Variants in IGDCC4 observed in about 807,000 individuals in gnomAD.
The protein encoded by IGDCC4 is likely ortholog of mouse neighbor of Punc E11.
IGDCC4 carries 72 observed loss-of-function variants against 116.6 expected under a neutral mutation model. The ratio of observed to expected loss-of-function variants is 0.62; its 90% CI spans 0.51 to 0.75. The LOEUF (loss-of-function observed/expected upper bound fraction) is 0.75. Among genes scored for constraint, IGDCC4 ranks in the 30% least tolerant of loss-of-function variants. The pLI is 0.00. For missense variants in IGDCC4, 1,501 were observed against 1,662.4 expected, an observed-to-expected ratio of 0.90 and a Z score of 1.69; for synonymous variants, 709 against 719.9, an observed-to-expected ratio of 0.98 and a Z score of 0.24.
In IGDCC4 at chr15:65,395,958, G is replaced by A; in HGVS notation, c.1203C>T (p.Gly401=). The change falls in exon 7 of 20, where the codon GGC becomes GGT. Residue 401 remains glycine (G), a synonymous_variant. Coordinates refer to ENST00000352385, the MANE Select transcript of IGDCC4 (RefSeq NM_020962.3). ...TGTTCTCAGCCACGCACTGGTAGTA[G>A]CCGGCGTCCTGCAGGCCGATCTGTG... ...VITQIGLQDA[G]YYQCVAENSA... is the part of the protein sequence containing the mutation. 6.3e-7 allele frequency: 1 copy of A among 1,585,986 alleles called. No homozygotes were observed. Among genetic ancestry groups the A allele is most frequent in the Non-Finnish European group, 8.5e-7 (1 of 1,173,638 alleles).
Position 65,393,441 on chromosome 15 carries a change from G to A in IGDCC4, c.1805C>T (p.Ser602Leu), listed in dbSNP as rs372210828. Residue 602 changes from serine to leucine, a missense_variant, in exon 10 of 20, where the codon TCG becomes TTG. Ser to Leu is a moderately radical substitution (Grantham distance 145). This residue lies in a region of IGDCC4 where 898 missense variants were observed against 978.9 expected (regional missense o/e 0.92). Transcript: ENST00000352385. The surrounding 1 kb of genome is among the most constrained non-coding windows in gnomAD (Gnocchi z 4.6). ...QPNKVYRVRI[S>L]AGTAAGFGAP... Reference sequence around the variant, plus strand: ...CCCGAAGCCGGCTGCTGTACCAGCCGAAATCCGTACTCGATACACCTTGTT... The same window carrying A: ...CCCGAAGCCGGCTGCTGTACCAGCCAAAATCCGTACTCGATACACCTTGTT... 78 of 1,613,694 alleles carry A rather than the reference G, an allele frequency of 4.8e-5. No individual in the cohort carries two copies. The Admixed American group carries it at 5.8e-4, about 12-fold the overall frequency.
chr15:65,394,466 G>GCT lies in IGDCC4; in HGVS notation c.1657_1658dup (p.Ser553ArgfsTer3), dbSNP rs752872411. ...ACTTCACCACCTGCCCATTGCTCAGGCTGGGGGGCAGGGGCAGCCACGCCA... is the reference window on the plus strand; with the variant it reads ...ACTTCACCACCTGCCCATTGCTCAGGCTCTGGGGGGCAGGGGCAGCCACGCCA... On this transcript the variant is annotated frameshift_variant, in exon 9 of 20. Coordinates refer to ENST00000352385, the MANE Select transcript of IGDCC4 (RefSeq NM_020962.3). LOFTEE classifies it high-confidence loss of function. The GCT allele has an allele frequency of 6.2e-7, 1 of 1,614,062 alleles. No individual in the cohort carries two copies. Among genetic ancestry groups the GCT allele is most frequent in the Non-Finnish European group, 8.5e-7 (1 of 1,179,992 alleles).
At chr15:65,403,364 T>C (rs1170720649) in intron 3 of IGDCC4, among the ~76,000 whole-genome samples, 1 of 152,140 alleles carries the variant, frequency 6.6e-6, no homozygotes, top group Admixed American at 6.5e-5. Flanking sequence ...TGGTTGTCTC[T>C]GGGGAGGGGA....
intron 1 of IGDCC4, among the ~76,000 whole-genome samples, chr15:65,411,904 T>C (rs888242291): frequency 7.9e-5 from 12 of 152,210 alleles, no homozygotes; most frequent in South Asian, 6.2e-4. Context: ...TAGAATTAGA[T>C]AGTGGCTGTG....
At chr15:65,398,673 C>T (rs550820402) in intron 5 of IGDCC4, among the ~76,000 whole-genome samples, 34 of 151,716 alleles carry the variant, frequency 2.2e-4, no homozygotes, top group Admixed American at 5.9e-4. Context: ...GGTTGGATCA[C>T]GAGGTCAGGA....
intron 3 of IGDCC4, among the ~76,000 whole-genome samples, chr15:65,404,634 C>T (rs933603064): frequency 5.3e-5 from 8 of 151,806 alleles, no homozygotes; most frequent in African/African-American, 1.9e-4. Flanking sequence ...GTAGTCTCTC[C>T]TTTGAAAAAA....
intron 5 of IGDCC4, 49 bp downstream of exon 5, chr15:65,400,757 C>T (rs757656510): frequency 5.8e-6 from 9 of 1,548,260 alleles, no homozygotes; most frequent in Admixed American, 3.8e-5. Context: ...ATGTGAGATG[C>T]CACATCCCTC....
At position 65,385,903 on chromosome 15, in the gene IGDCC4, C is replaced by T. The variant is rs749451226; in HGVS notation, c.3108G>A (p.Val1036=). ...GGCTGTGCACTTCAGCCCTGTCCTC[C>T]ACGTCTGAGGGTGGCGGGGACCAGT... ...PQDWSPPPSD[V]EDRAEVHSLM... The change falls in exon 18 of 20, where the codon GTG becomes GTA. Residue 1036 remains valine, a synonymous_variant. Coordinates refer to ENST00000352385, the MANE Select transcript of IGDCC4 (RefSeq NM_020962.3). 1 of 1,612,690 alleles carries T rather than the reference C, an allele frequency of 6.2e-7. No individual in the cohort carries two copies. The highest frequency in any genetic ancestry group is 2.2e-5 in the East Asian group (1 of 44,874).
At chr15:65,387,206 T>C (rs1296692127) in intron 16 of IGDCC4, among the ~76,000 whole-genome samples, 1 of 152,020 alleles carries the variant, frequency 6.6e-6, no homozygotes, top group Non-Finnish European at 1.5e-5. Flanking sequence ...TTTAAATTTT[T>C]TGTGGAGACA....
chr15:65,417,994 C>G (rs1053873948), intron 1 of IGDCC4, among the ~76,000 whole-genome samples: 1 of 152,184 alleles, frequency 6.6e-6, no homozygotes, highest in African/African-American at 2.4e-5. Context: ...GGAACAGTGC[C>G]TAACACACAG....
rs2091404177 is a variant in IGDCC4 at position 65,381,942 on chromosome 15, TGGG to T, written c.*2064_*2066del. ...AGAAACAATTTTCCACCCAACCTAA[TGGG>T]TTATAAATTGTCTCATTTGCAGCTA... On this transcript the variant is annotated 3_prime_UTR_variant, in exon 20 of 20. Transcript: ENST00000352385. 1 of 152,626 alleles carries T rather than the reference TGGG, an allele frequency of 6.6e-6. No individual in the cohort carries two copies. Among genetic ancestry groups the T allele is most frequent in the Admixed American group, 6.5e-5 (1 of 15,278 alleles). 9.5% of individuals were successfully genotyped at this position (152,626 alleles called of 1,614,324 possible).
intron 1 of IGDCC4, among the ~76,000 whole-genome samples, chr15:65,419,477 G>C (rs1194709385): frequency 6.6e-6 from 1 of 152,166 alleles, no homozygotes; most frequent in Non-Finnish European, 1.5e-5. Context: ...ATGTAAATGT[G>C]TGTTTAATTG....
chr15:65,395,664 C>T (rs915538814), intron 7 of IGDCC4, 86 bp downstream of exon 7: 2 of 1,337,136 alleles, frequency 1.5e-6, no homozygotes, highest in African/African-American at 3.0e-5. Flanking sequence ...ACCCATCAGG[C>T]AACCCTTCAG....
At chr15:65,411,919 C>T (rs58045812) in intron 1 of IGDCC4, among the ~76,000 whole-genome samples, 71 of 152,254 alleles carry the variant, frequency 4.7e-4, no homozygotes, top group African/African-American at 1.7e-3. Flanking sequence ...GCTGTGGTTG[C>T]ACAACGTTGT....
In IGDCC4 at chr15:65,388,738, T is replaced by A. The variant is rs2091485012; in HGVS notation, c.2707+70A>T. ...TAGCCCCTGGAACAAACCCCAGCAC[T>A]GTTCTCACTGCTGGAAGCGGGAGAG... On this transcript the variant is annotated intron_variant, in intron 15 of 19. Transcript: ENST00000352385. 8 of 1,605,998 alleles carry A rather than the reference T, an allele frequency of 5.0e-6. No homozygotes were observed. The East Asian group carries it at 1.8e-4, about 36-fold the overall frequency.
intron 12 of IGDCC4, among the ~76,000 whole-genome samples, chr15:65,391,294 T>A (rs922171404): frequency 1.3e-5 from 2 of 152,070 alleles, no homozygotes; most frequent in Admixed American, 6.5e-5. Flanking sequence ...CTAAACCATG[T>A]GGCTGGGAAG....
In IGDCC4 at chr15:65,391,266, G is replaced by A. The variant is rs28568696; in HGVS notation, c.2224+614C>T. On this transcript the variant is annotated intron_variant, in intron 12 of 19. Transcript: ENST00000352385. ...AAAGAACCCAAGCTTCATGGCTTCT[G>A]GTTGATTACTCCCTCTGCTAAACCA... is the stretch of plus-strand genomic sequence containing the variant. Among the ~76,000 whole-genome samples, 529 of 152,268 alleles carry A rather than the reference G, an allele frequency of 3.5e-3. 2 individuals are homozygous for A. The highest frequency in any genetic ancestry group is 0.012 in the African/African-American group (492 of 41,562).
Position 65,384,486 on chromosome 15 carries a change from G to A in IGDCC4, c.3343-67C>T, listed in dbSNP as rs896724426. 21 of 1,425,264 alleles carry A rather than the reference G, an allele frequency of 1.5e-5. No individual in the cohort carries two copies. Among genetic ancestry groups the A allele is most frequent in the East Asian group, 1.4e-4 (6 of 41,764 alleles). 88.3% of individuals were successfully genotyped at this position (1,425,264 alleles called of 1,614,324 possible). Reference sequence around the variant, plus strand: ...GAGAGTAATCATCAGAATGACCAGCGTACGTGGGGCAGAAAGTCTGACCCT... The same window carrying A: ...GAGAGTAATCATCAGAATGACCAGCATACGTGGGGCAGAAAGTCTGACCCT... On this transcript the variant is annotated intron_variant, in intron 19 of 19. Transcript: ENST00000352385. The surrounding 1 kb of genome is among the most constrained non-coding windows in gnomAD (Gnocchi z 4.9).
At chr15:65,403,107 T>G (rs1406984356) in intron 3 of IGDCC4, among the ~76,000 whole-genome samples, 1 of 152,184 alleles carries the variant, frequency 6.6e-6, no homozygotes, top group Non-Finnish European at 1.5e-5. Context: ...TTAAACGATA[T>G]TCACTCCAGC....
Sources: allele counts gnomAD v4.1 joint callset (sites outside exome capture counted in the v4.1 genomes callset), GRCh38; gene constraint gnomAD v4.1.1; regional missense constraint gnomAD v4.1.1; non-coding constraint Gnocchi (gnomAD v3.1); transcripts MANE v1.5; gene names NCBI Gene and HGNC (gene_info 2026-07-23, HGNC 2026-07-21).